The following P3H4 variants were observed in gnomAD, a reference collection of about 807,000 sequenced individuals.
P3H4 encodes prolyl 3-hydroxylase family member 4 (inactive).
Under a neutral mutation model 52.9 loss-of-function variants are expected in P3H4, and 47 were observed. The observed-to-expected ratio is 0.89, with a 90% CI of 0.70 to 1.13. P3H4 has a LOEUF of 1.13. Ranked by LOEUF, P3H4 falls within the 50% of genes most tolerant of loss-of-function variation. The pLI, the probability that P3H4 is intolerant of heterozygous loss-of-function variation, is 0.00. For synonymous variants in P3H4, 256 were observed against 267.9 expected, an observed-to-expected ratio of 0.96 and a Z score of 0.44; for missense variants, 585 against 611.0, an observed-to-expected ratio of 0.96 and a Z score of 0.45.
chr17:41,809,776 A>T lies in P3H4; in HGVS notation c.846T>A (p.Asn282Lys), dbSNP rs782197232. The change falls in exon 4 of 8, where the codon AAT (asparagine) becomes AAA (lysine). Residue 282 changes from asparagine to lysine, a missense_variant. By Grantham distance (94) the Asn-to-Lys change is moderately conservative. Coordinates refer to ENST00000393928, the MANE Select transcript of P3H4 (RefSeq NM_006455.3). The stretch of plus-strand genomic sequence containing the variant: ...ACTTGTCCACGAAGTAGCCACCCAC[A>T]TTGGGGGTCAAATTGGCCTCACAGT... ...KVDCEANLTPNVGGYFVDKFV... is the reference protein window; with the variant it reads ...KVDCEANLTPKVGGYFVDKFV... The T allele has an allele frequency of 6.2e-7, 1 of 1,613,992 alleles. No individual in the cohort carries two copies. The highest frequency in any genetic ancestry group is 8.5e-7 in the Non-Finnish European group (1 of 1,179,992).
rs1221489227 is a variant in P3H4 at position 41,802,801 on chromosome 17, C to G, written c.*156G>C. On this transcript the variant is annotated 3_prime_UTR_variant, in exon 8 of 8. Coordinates refer to ENST00000393928, the MANE Select transcript of P3H4 (RefSeq NM_006455.3). ...TCCTGGCCTCAAGTGATCCACCCAC[C>G]TTGGCCTCCCAAAATGCTGGGATTA... is the stretch of plus-strand genomic sequence containing the variant. The G allele has an allele frequency of 5.5e-6, 4 of 721,872 alleles. No homozygotes were observed. In the East Asian group the frequency reaches 1.2e-4, roughly 21 times the overall value. 44.7% of individuals were successfully genotyped at this position (721,872 alleles called of 1,614,324 possible).
rs562218482 is a variant in P3H4, at chr17:41,806,172, T to G, written c.1146+624A>C. 1.6e-3 allele frequency among the ~76,000 whole-genome samples: 242 copies of G among 151,404 alleles called. 3 individuals are homozygous for G. The highest frequency in any genetic ancestry group is 5.6e-3 in the African/African-American group (229 of 41,248). ...AGGCAGAGGTTTCAGTGAGCTGAGA[T>G]GACACCACTGCACTCCAGCCTGGGC... On this transcript the variant is annotated intron_variant, in intron 6 of 7. Coordinates refer to ENST00000393928, the MANE Select transcript of P3H4 (RefSeq NM_006455.3).
chr17:41,803,286 C>T lies in P3H4; in HGVS notation c.1291+1G>A, dbSNP rs1555613739. The T allele has an allele frequency of 6.2e-7, 1 of 1,613,010 alleles. No individual in the cohort carries two copies. The highest frequency in any genetic ancestry group is 1.7e-5 in the Admixed American group (1 of 59,924). ...ACCCCCCAAGGACTCGTGTCACTGA[C>T]CAGCCTCGGCCTCGTCACCCTTGGC... On this transcript the variant is annotated splice_donor_variant, in intron 7 of 7. Coordinates refer to ENST00000393928, the MANE Select transcript of P3H4 (RefSeq NM_006455.3). LOFTEE classifies it high-confidence loss of function.
rs574846777 is a variant in P3H4 at position 41,803,350 on chromosome 17, C to T, written c.1228G>A (p.Glu410Lys). 1.8e-5 allele frequency: 29 copies of T among 1,614,110 alleles called. No individual in the cohort carries two copies. In the East Asian group the frequency reaches 4.5e-4, roughly 25 times the overall value. The change falls in exon 7 of 8, where the codon GAG becomes AAG. Residue 410 changes from glutamate to lysine, a missense_variant. Coordinates refer to ENST00000393928, the MANE Select transcript of P3H4 (RefSeq NM_006455.3). ...CACCAGTCAGCATACATGCCCTCCT[C>T]GTAGTCACCCTCCCCCTCAAACTCG... ...DAEFEGEGDY[E>K]EGMYADWWQE...
chr17:41,807,547 GAGTGC>G (rs2047685939), intron 5 of P3H4: 1 of 175,234 alleles, frequency 5.7e-6, no homozygotes, highest in Admixed American at 6.2e-5. Context: ...ACCCAGACTG[GAGTGC>G]AGTGGCGCGA....
Position 41,811,094 on chromosome 17 carries a change from C to T in P3H4, c.615+38G>A, listed in dbSNP as rs2047727478. 3 of 1,612,332 alleles carry T rather than the reference C, an allele frequency of 1.9e-6. No homozygotes were observed. The highest frequency in any genetic ancestry group is 1.7e-5 in the Admixed American group (1 of 59,954). Reference sequence around the variant, plus strand: ...CCCAACATCTCCCCTCCTCTACTAGCCCTCCTCTACAAGCCTCCTCCTGAC... The same window carrying T: ...CCCAACATCTCCCCTCCTCTACTAGTCCTCCTCTACAAGCCTCCTCCTGAC... On this transcript the variant is annotated intron_variant, in intron 2 of 7. Coordinates refer to ENST00000393928, the MANE Select transcript of P3H4 (RefSeq NM_006455.3). This position sits in a 1 kb window ranked among gnomAD's most constrained non-coding sequence, Gnocchi z 4.8.
chr17:41,811,795 C>A lies in P3H4; in HGVS notation c.121G>T (p.Gly41Trp), dbSNP rs782607420. Reference protein sequence around the residue: ...EDLMPLAAAYGHALEQYEGES... With the variant: ...EDLMPLAAAYWHALEQYEGES... ...CCCTCGTACTGCTCCAGAGCGTGCC[C>A]GTACGCCGCGGCCAGCGGCATCAGG... Residue 41 changes from glycine (G) to tryptophan (W), a missense_variant, in exon 1 of 8, where the codon GGG becomes TGG. Transcript: ENST00000393928. This position sits in a 1 kb window ranked among gnomAD's most constrained non-coding sequence, Gnocchi z 4.8. 1.2e-5 allele frequency: 19 copies of A among 1,535,448 alleles called. No individual in the cohort carries two copies. The highest frequency in any genetic ancestry group is 3.9e-5 in the Admixed American group (2 of 51,294).
chr17:41,806,952 A>G, intron 5 of P3H4, 73 bp from the exon 6 acceptor site: 1 of 1,190,336 alleles, frequency 8.4e-7, no homozygotes, highest in Non-Finnish European at 1.2e-6. Flanking sequence ...CAGGGCTCCT[A>G]GGATCTGGGC....
At chr17:41,810,062 C>A (rs1485699130) in intron 3 of P3H4, among the ~76,000 whole-genome samples, 1 of 151,954 alleles carries the variant, frequency 6.6e-6, no homozygotes, top group African/African-American at 2.4e-5. Flanking sequence ...ACCACCCCTG[C>A]CACTCAACCA....
chr17:41,807,935 A>G lies in P3H4; in HGVS notation c.986T>C (p.Met329Thr), dbSNP rs1218195697. The G allele has an allele frequency of 6.2e-7, 1 of 1,614,212 alleles. No homozygotes were observed. Among genetic ancestry groups the G allele is most frequent in the Non-Finnish European group, 8.5e-7 (1 of 1,180,030 alleles). ...CCGGTAATACACCAGGTTCTGCTGC[A>G]TGACGCTGTCCTTGGGGTCGAAGAG... ...YMLFDPKDSV[M>T]QQNLVYYRFH... The change falls in exon 5 of 8, where the codon ATG becomes ACG. Residue 329 changes from methionine to threonine, a missense_variant. Transcript: ENST00000393928.
rs781873101 is a variant in P3H4, at chr17:41,807,815, T to C, written c.1062+44A>G. On this transcript the variant is annotated intron_variant, in intron 5 of 7. Coordinates refer to ENST00000393928, the MANE Select transcript of P3H4 (RefSeq NM_006455.3). ...GCCCGGCCGCCAGGAGTTCATTTTT[T>C]ACAAAGTGCATATCCAGCAAGTGCC... The C allele has an allele frequency of 1.4e-5, 22 of 1,578,804 alleles. No homozygotes were observed. The Admixed American group carries it at 1.5e-4, about 10-fold the overall frequency.
rs781828867 is a variant in P3H4 at position 41,811,192 on chromosome 17, A to G, written c.555T>C (p.Tyr185=). 1 of 1,614,078 alleles carries G rather than the reference A, an allele frequency of 6.2e-7. No individual in the cohort carries two copies. Among genetic ancestry groups the G allele is most frequent in the Non-Finnish European group, 8.5e-7 (1 of 1,180,018 alleles). Reference sequence around the variant, plus strand: ...CGTCGGCGACGTCCAGCATCCCCTGATAGTAGTTGAGATACTTGGCGGTCA... The same window carrying G: ...CGTCGGCGACGTCCAGCATCCCCTGGTAGTAGTTGAGATACTTGGCGGTCA... The part of the protein sequence containing the change: ...HELTAKYLNY[Y]QGMLDVADES... Residue 185 remains tyrosine (Y), a synonymous_variant, in exon 2 of 8, where the codon TAT becomes TAC. Transcript: ENST00000393928. This position sits in a 1 kb window ranked among gnomAD's most constrained non-coding sequence, Gnocchi z 4.8.
At chr17:41,808,063 T>C in intron 4 of P3H4, 59 bp from the exon 5 acceptor site, 1 of 1,572,390 alleles carries the variant, frequency 6.4e-7, no homozygotes, top group Non-Finnish European at 8.7e-7. Context: ...GTCAACTCCA[T>C]CTTCCAGTTC....
At chr17:41,808,085 C>G (rs1390401140) in intron 4 of P3H4, 81 bp from the exon 5 acceptor site, 5 of 1,512,068 alleles carry the variant, frequency 3.3e-6, no homozygotes, top group East Asian at 2.4e-5. Flanking sequence ...GTCCAGCACC[C>G]CTGCTACCCA....
intron 6 of P3H4, among the ~76,000 whole-genome samples, chr17:41,805,077 A>G (rs1355693483): frequency 1.3e-5 from 2 of 151,954 alleles, no homozygotes; most frequent in Non-Finnish European, 2.9e-5. Flanking sequence ...CAAGGTCAGG[A>G]GATCGAGACC....
chr17:41,804,163 G>A (rs1412896901), intron 6 of P3H4, among the ~76,000 whole-genome samples: 2 of 151,774 alleles, frequency 1.3e-5, no homozygotes, highest in African/African-American at 4.8e-5. Flanking sequence ...GTGTTAGCCA[G>A]GATGGTCTCA....
chr17:41,803,422 C>T lies in P3H4; in HGVS notation c.1156G>A (p.Glu386Lys). 6.2e-7 allele frequency: 1 copy of T among 1,613,782 alleles called. No homozygotes were observed. The highest frequency in any genetic ancestry group is 8.5e-7 in the Non-Finnish European group (1 of 1,179,826). The change falls in exon 7 of 8, where the codon GAG becomes AAG. Residue 386 changes from glutamate to lysine, a missense_variant. Glu to Lys is a moderately conservative substitution (Grantham distance 56). Coordinates refer to ENST00000393928, the MANE Select transcript of P3H4 (RefSeq NM_006455.3). Reference sequence around the variant, plus strand: ...GGCTCCAGGGGCGGTTCTGTCTCCTCCAGCTCCATCTAGAGTAGCGCCACG... The same window carrying T: ...GGCTCCAGGGGCGGTTCTGTCTCCTTCAGCTCCATCTAGAGTAGCGCCACG... ...YLQSDDEMELEETEPPLEPED... is the reference protein window; with the variant it reads ...YLQSDDEMELKETEPPLEPED...
chr17:41,803,213 A>G, intron 7 of P3H4, 74 bp downstream of exon 7: 1 of 1,549,880 alleles, frequency 6.5e-7, no homozygotes, highest in Middle Eastern at 1.8e-4. Flanking sequence ...TCCGGAGCCC[A>G]GCGGGTGAAT....
At position 41,811,766 on chromosome 17, in the gene P3H4, C is replaced by G. The variant is rs2047742682; in HGVS notation, c.150G>C (p.Glu50Asp). The change falls in exon 1 of 8, where the codon GAG becomes GAC. Residue 50 changes from glutamate (E) to aspartate (D), a missense_variant. Physicochemically the swap from Glu to Asp is conservative, Grantham distance 45. Transcript: ENST00000393928. This position sits in a 1 kb window ranked among gnomAD's most constrained non-coding sequence, Gnocchi z 4.8. ...GGTAGCGCGCGCTCTCGCGCCAGCT[C>G]TCTCCCTCGTACTGCTCCAGAGCGT... The part of the protein sequence containing the change: ...YGHALEQYEG[E>D]SWRESARYLE... 6.6e-7 allele frequency: 1 copy of G among 1,526,288 alleles called. No individual in the cohort carries two copies. Among genetic ancestry groups the G allele is most frequent in the East Asian group, 2.7e-5 (1 of 36,818 alleles). The allele number at this position is 1,526,288 out of a possible 1,614,324, so 94.5% of individuals were successfully genotyped here. A position where few individuals can be genotyped will look rare whatever the true frequency, so the allele number is the denominator to read the frequency against.
Sources: gnomAD v4.1 joint callset for allele counts (sites outside exome capture counted in the v4.1 genomes callset) on GRCh38, gnomAD v4.1.1 for gene constraint, Gnocchi (gnomAD v3.1) non-coding constraint, MANE v1.5 for transcripts, NCBI Gene and HGNC (gene_info 2026-07-23, HGNC 2026-07-21) for gene names.